Variants in NEK11 observed in about 807,000 individuals in gnomAD.
NEK11 encodes NIMA related kinase 11, also known as serine/threonine-protein kinase Nek11.
A neutral mutation model predicts 80.7 loss-of-function variants in NEK11; 72 were observed. That is an observed-to-expected ratio of 0.89 (90% CI 0.74 to 1.08). The LOEUF (loss-of-function observed/expected upper bound fraction) is 1.08, where lower values mean the gene tolerates loss of function less well. Among genes scored for constraint, NEK11 ranks in the 50% least tolerant of loss-of-function variants. The pLI is 0.00. For missense variants in NEK11, 764 were observed against 763.6 expected, an observed-to-expected ratio of 1.00 and a Z score of -0.01; for synonymous variants, 251 against 260.7, an observed-to-expected ratio of 0.96 and a Z score of 0.36.
intron 17 of NEK11, among the ~76,000 whole-genome samples, chr3:131,347,736 C>T (rs759502900): frequency 4.6e-5 from 7 of 152,106 alleles, no homozygotes; most frequent in African/African-American, 1.2e-4. Flanking sequence ...GTCAGGAATT[C>T]GAGACCAGCC....
intron 4 of NEK11, among the ~76,000 whole-genome samples, chr3:131,088,753 A>G (rs1004067035): frequency 6.6e-6 from 1 of 152,216 alleles, no homozygotes; most frequent in Non-Finnish European, 1.5e-5. Context: ...ATGTTCATTT[A>G]TATTATTAGA....
At chr3:131,213,407 T>C (rs1364890738) in intron 14 of NEK11, among the ~76,000 whole-genome samples, 5 of 152,206 alleles carry the variant, frequency 3.3e-5, no homozygotes, top group Admixed American at 3.3e-4. Context: ...TAGGATTTTA[T>C]TGAAGAGAAA....
chr3:131,184,070 A>G (rs1392101882), intron 14 of NEK11, among the ~76,000 whole-genome samples: 1 of 152,186 alleles, frequency 6.6e-6, no homozygotes, highest in East Asian at 1.9e-4. Flanking sequence ...CTCTCAGTAA[A>G]TCATATTCCT....
intron 17 of NEK11, among the ~76,000 whole-genome samples, chr3:131,276,340 GAGA>G (rs1296541796): frequency 2.0e-5 from 3 of 152,178 alleles, no homozygotes; most frequent in Non-Finnish European, 2.9e-5. Flanking sequence ...ACTGGTCAGG[GAGA>G]AGTCAAGCTG....
At chr3:131,142,457 A>T (rs2087150638) in intron 7 of NEK11, among the ~76,000 whole-genome samples, 1 of 152,212 alleles carries the variant, frequency 6.6e-6, no homozygotes, top group Admixed American at 6.5e-5. Flanking sequence ...TGGAGATCAT[A>T]TAAAATTATT....
chr3:131,160,486 A>G (rs2091388256), intron 10 of NEK11, among the ~76,000 whole-genome samples: 1 of 152,236 alleles, frequency 6.6e-6, no homozygotes, highest in South Asian at 2.1e-4. Flanking sequence ...ACTGAAGTAC[A>G]CAGACTCTAA....
chr3:131,096,350 A>T (rs1247947875), intron 4 of NEK11, among the ~76,000 whole-genome samples: 1 of 152,120 alleles, frequency 6.6e-6, no homozygotes, highest in African/African-American at 2.4e-5. Context: ...TGTAGAGGAC[A>T]TGATTTCATT....
chr3:131,226,011 A>C (rs979358384), intron 14 of NEK11, among the ~76,000 whole-genome samples: 7 of 152,186 alleles, frequency 4.6e-5, no homozygotes, highest in Non-Finnish European at 8.8e-5. Context: ...AAAATGGGAG[A>C]GCAAGAGGGA....
chr3:131,118,217 A>G (rs1450961521), intron 5 of NEK11, among the ~76,000 whole-genome samples: 2 of 152,214 alleles, frequency 1.3e-5, no homozygotes, highest in Non-Finnish European at 2.9e-5. Context: ...CCTTTTCTGC[A>G]TCTATTGAGA....
chr3:131,328,553 C>T (rs952481294), intron 17 of NEK11: 2 of 152,018 alleles, frequency 1.3e-5, no homozygotes, highest in Non-Finnish European at 2.9e-5. Flanking sequence ...TATATGTAGC[C>T]ATTATTGTAG....
chr3:131,231,093 G>A (rs1452810249), intron 15 of NEK11, among the ~76,000 whole-genome samples: 2 of 151,926 alleles, frequency 1.3e-5, no homozygotes, highest in African/African-American at 2.4e-5. Context: ...CCAGCCTCAC[G>A]TATGTCATTA....
chr3:131,321,030 G>A (rs1315854847), intron 17 of NEK11, among the ~76,000 whole-genome samples: 1 of 152,050 alleles, frequency 6.6e-6, no homozygotes, highest in African/African-American at 2.4e-5. Flanking sequence ...CTAAAAAAGA[G>A]CCCAAATAGC....
intron 3 of NEK11, among the ~76,000 whole-genome samples, chr3:131,063,230 G>A (rs2071247549): frequency 6.6e-6 from 1 of 152,110 alleles, no homozygotes; most frequent in Admixed American, 6.6e-5. Flanking sequence ...TCACTATGTT[G>A]CCCAGGCTGG....
At chr3:131,224,185 A>G (rs1481790014) in intron 14 of NEK11, among the ~76,000 whole-genome samples, 2 of 152,176 alleles carry the variant, frequency 1.3e-5, no homozygotes, top group African/African-American at 2.4e-5. Context: ...ATATTTATGT[A>G]CAGTATAGTG....
chr3:131,314,885 C>G (rs564097946), intron 17 of NEK11, among the ~76,000 whole-genome samples: 2 of 152,286 alleles, frequency 1.3e-5, no homozygotes, highest in South Asian at 4.1e-4. Context: ...AGCAGACAAA[C>G]AAGCTTCAAG....
chr3:131,050,344 G>C (rs949147171), intron 3 of NEK11, among the ~76,000 whole-genome samples: 2 of 152,168 alleles, frequency 1.3e-5, no homozygotes, highest in Admixed American at 6.5e-5. Flanking sequence ...ACAGCCTTCT[G>C]AGACAGGATC....
chr3:131,228,916 T>G (rs1371730534), intron 15 of NEK11, among the ~76,000 whole-genome samples: 1 of 152,050 alleles, frequency 6.6e-6, no homozygotes, highest in African/African-American at 2.4e-5. Context: ...AACTGGAGCA[T>G]GCTGCACTTA....
chr3:131,311,361 A>G (rs1419812621), intron 17 of NEK11, among the ~76,000 whole-genome samples: 1 of 152,118 alleles, frequency 6.6e-6, no homozygotes, highest in Non-Finnish European at 1.5e-5. Context: ...TACTCCTTCT[A>G]TCTACCTGTA....
At chr3:131,067,899 A>T (rs990672665) in intron 3 of NEK11, among the ~76,000 whole-genome samples, 1 of 152,242 alleles carries the variant, frequency 6.6e-6, no homozygotes, top group Non-Finnish European at 1.5e-5. Flanking sequence ...ATAGTATTTT[A>T]AAACGGACGG....
Sources: gnomAD v4.1 joint callset for allele counts (sites outside exome capture counted in the v4.1 genomes callset) on GRCh38, gnomAD v4.1.1 for gene constraint, MANE v1.5 for transcripts, NCBI Gene and HGNC (gene_info 2026-07-23, HGNC 2026-07-21) for gene names.